Variants in TSHR observed in about 807,000 individuals in gnomAD.
TSHR encodes thyroid stimulating hormone receptor.
A neutral mutation model predicts 64.1 loss-of-function variants in TSHR; 51 were observed. The ratio of observed to expected loss-of-function variants is 0.80; its 90% CI spans 0.64 to 1.01. TSHR has a LOEUF of 1.01. TSHR is among the 50% of genes least tolerant of loss of function. The probability of loss-of-function intolerance (pLI) is 0.00; values close to 1 mark genes in which losing one functional copy is unlikely to be tolerated. For synonymous variants in TSHR, 361 were observed against 361.9 expected, an observed-to-expected ratio of 1.00 and a Z score of 0.03; for missense variants, 877 against 942.8, an observed-to-expected ratio of 0.93 and a Z score of 0.91.
intron 2 of TSHR, among the ~76,000 whole-genome samples, chr14:81,063,635 C>T (rs988757249): frequency 6.6e-6 from 1 of 152,112 alleles, no homozygotes; most frequent in African/African-American, 2.4e-5. Context: ...ACAGCTTGGC[C>T]ATTACTTCAT....
At chr14:81,082,356 T>C (rs928212632) in intron 3 of TSHR, among the ~76,000 whole-genome samples, 1 of 152,212 alleles carries the variant, frequency 6.6e-6, no homozygotes, top group African/African-American at 2.4e-5. Flanking sequence ...CTAGGTTGCT[T>C]GGCAACGGTC....
At chr14:81,086,722 C>T (rs184709715) in intron 3 of TSHR, among the ~76,000 whole-genome samples, 2 of 152,258 alleles carry the variant, frequency 1.3e-5, no homozygotes, top group Admixed American at 1.3e-4. Context: ...TATTTCGAGT[C>T]CATCTGGGCT....
intron 3 of TSHR, among the ~76,000 whole-genome samples, chr14:81,076,000 A>T (rs1169463696): frequency 1.3e-5 from 2 of 152,120 alleles, no homozygotes; most frequent in Admixed American, 6.5e-5. Flanking sequence ...TTGTAGGGAC[A>T]TGGATGAAAT....
chr14:81,033,202 T>A, intron 1 of TSHR: 1 of 452,784 alleles, frequency 2.2e-6, no homozygotes, highest in Admixed American at 2.8e-5. Flanking sequence ...TGATATCTCA[T>A]CCACAAAAAT....
At chr14:81,046,821 A>T (rs933798827) in intron 1 of TSHR, among the ~76,000 whole-genome samples, 5 of 152,166 alleles carry the variant, frequency 3.3e-5, no homozygotes, top group African/African-American at 9.7e-5. Flanking sequence ...AGCCAGATTT[A>T]AAAAATACAA....
intron 1 of TSHR, among the ~76,000 whole-genome samples, chr14:81,027,488 A>C (rs774817781): frequency 2.6e-5 from 4 of 152,218 alleles, no homozygotes; most frequent in South Asian, 2.1e-4. Flanking sequence ...TAAATATCTT[A>C]TCTGAAAAGC....
At chr14:81,108,873 T>C in intron 8 of TSHR, 1 of 1,450,776 alleles carries the variant, frequency 6.9e-7, no homozygotes, top group Non-Finnish European at 9.0e-7. Flanking sequence ...TAAATGATAG[T>C]TCGACTCGTC....
intron 7 of TSHR, among the ~76,000 whole-genome samples, chr14:81,105,767 G>A (rs974775941): frequency 2.0e-5 from 3 of 152,220 alleles, no homozygotes; most frequent in Admixed American, 2.0e-4. Flanking sequence ...GCAGCAGTTA[G>A]AGATGAAGAG....
chr14:80,966,204 CT>C (rs907240732), intron 1 of TSHR, among the ~76,000 whole-genome samples: 26 of 152,212 alleles, frequency 1.7e-4, no homozygotes, highest in African/African-American at 6.3e-4. Context: ...TTATTTCAAT[CT>C]TTTTTTAAGC....
intron 1 of TSHR, among the ~76,000 whole-genome samples, chr14:80,970,571 G>C (rs1333835356): frequency 6.6e-6 from 1 of 152,228 alleles, no homozygotes; most frequent in African/African-American, 2.4e-5. Context: ...TGTCCAGGAT[G>C]GATATCTGTA....
At chr14:81,010,013 T>C (rs1247899900) in intron 1 of TSHR, among the ~76,000 whole-genome samples, 1 of 152,174 alleles carries the variant, frequency 6.6e-6, no homozygotes, top group African/African-American at 2.4e-5. Flanking sequence ...AATTTCTATT[T>C]CCAAATATCC....
At chr14:81,091,327 A>G (rs1244992618) in intron 5 of TSHR, among the ~76,000 whole-genome samples, 184 bp downstream of exon 5, 3 of 152,206 alleles carry the variant, frequency 2.0e-5, no homozygotes, top group East Asian at 1.9e-4. Flanking sequence ...GGCTTTAGCA[A>G]TGTGGTTTGT....
chr14:80,964,355 G>A (rs1887187750), intron 1 of TSHR, among the ~76,000 whole-genome samples: 1 of 152,238 alleles, frequency 6.6e-6, no homozygotes, highest in Admixed American at 6.5e-5. Context: ...GATCACCTCT[G>A]ATGAAGTAGT....
At chr14:81,131,551 C>T (rs990082740) in intron 8 of TSHR, among the ~76,000 whole-genome samples, 1 of 152,216 alleles carries the variant, frequency 6.6e-6, no homozygotes, top group South Asian at 2.1e-4. Context: ...ATGCCCTCAC[C>T]GTCTCAGCAC....
At chr14:81,064,126 G>A (rs1886434981) in intron 2 of TSHR, among the ~76,000 whole-genome samples, 1 of 152,126 alleles carries the variant, frequency 6.6e-6, no homozygotes, top group South Asian at 2.1e-4. Flanking sequence ...TTTCATTTGA[G>A]AAACATTCCC....
intron 1 of TSHR, among the ~76,000 whole-genome samples, chr14:81,035,654 C>T (rs1042844785): frequency 1.3e-5 from 2 of 152,184 alleles, no homozygotes; most frequent in African/African-American, 4.8e-5. Flanking sequence ...TTCCCTACCA[C>T]ATCATTTCCA....
At chr14:81,096,058 AAAT>A (rs201215876) in intron 6 of TSHR, among the ~76,000 whole-genome samples, 106 of 149,716 alleles carry the variant, frequency 7.1e-4, no homozygotes, top group African/African-American at 1.2e-3. Context: ...AAAAAAAAAA[AAAT>A]CCATAAGAGG....
At chr14:81,001,451 G>C in intron 1 of TSHR, 1 of 491,068 alleles carries the variant, frequency 2.0e-6, no homozygotes, top group Admixed American at 2.0e-5. Context: ...TATTTACCTG[G>C]GTATGCTCAA....
At chr14:81,011,106 G>T (rs574343195) in intron 1 of TSHR, among the ~76,000 whole-genome samples, 1 of 152,236 alleles carries the variant, frequency 6.6e-6, no homozygotes, top group East Asian at 1.9e-4. Context: ...ACTGAGTTGG[G>T]TTTTTCCTTT....
Sources: allele counts gnomAD v4.1 joint callset (sites outside exome capture counted in the v4.1 genomes callset), GRCh38; gene constraint gnomAD v4.1.1; transcripts MANE v1.5; gene names NCBI Gene and HGNC (gene_info 2026-07-23, HGNC 2026-07-21).